CSMD1: variants seen among roughly 807,000 people sequenced by gnomAD.
CSMD1 encodes CUB and Sushi multiple domains 1, also known as CUB and sushi domain-containing protein 1.
CSMD1 carries 213 observed loss-of-function variants against 417.5 expected under a neutral mutation model. The observed-to-expected ratio is 0.51, with a 90% CI of 0.46 to 0.57. The LOEUF (loss-of-function observed/expected upper bound fraction) is 0.57, where lower values mean the gene tolerates loss of function less well. CSMD1 is among the 20% of genes least tolerant of loss of function. The probability of loss-of-function intolerance (pLI) is 0.00; values close to 1 mark genes in which losing one functional copy is unlikely to be tolerated. For synonymous variants in CSMD1, 2,862 were observed against 1,736.8 expected (o/e 1.65, Z -16.11); for missense variants, 6,923 against 4,529.7 (o/e 1.53, Z -15.17).
chr8:3,926,314 T>C (rs1809723204), intron 5 of CSMD1, among the ~76,000 whole-genome samples: 1 of 152,216 alleles, frequency 6.6e-6, no homozygotes, highest in African/African-American at 2.4e-5. Context: ...CCTTATAACT[T>C]TTCAATCTAT....
At chr8:4,691,351 G>C (rs1260346811) in intron 1 of CSMD1, among the ~76,000 whole-genome samples, 1 of 152,100 alleles carries the variant, frequency 6.6e-6, no homozygotes, top group South Asian at 2.1e-4. Context: ...TTATTTCAAA[G>C]TCACTGGGCC....
intron 3 of CSMD1, among the ~76,000 whole-genome samples, chr8:4,094,865 G>C (rs1202511541): frequency 6.6e-6 from 1 of 152,154 alleles, no homozygotes; most frequent in African/African-American, 2.4e-5. Flanking sequence ...ATGTGTTTGG[G>C]GCATATTGTG....
chr8:4,153,915 C>A (rs563505613), intron 3 of CSMD1, among the ~76,000 whole-genome samples: 1 of 152,224 alleles, frequency 6.6e-6, no homozygotes, highest in Non-Finnish European at 1.5e-5. Flanking sequence ...TCTAACCCAG[C>A]CAACGAGGCA....
chr8:3,360,470 A>G (rs142196761), intron 20 of CSMD1, among the ~76,000 whole-genome samples: 25 of 152,242 alleles, frequency 1.6e-4, no homozygotes, highest in Admixed American at 3.9e-4. Flanking sequence ...GTAAGTGCCT[A>G]TTTGTTTGGT....
chr8:4,531,212 T>A lies in CSMD1; in HGVS notation c.302+106130A>T, dbSNP rs543748646. ...ATGTAATCAGTGACGTACAGTTGTT[T>A]TGCCATTTTTAGCCACACTGATAGA... On this transcript the variant is annotated intron_variant, in intron 2 of 69. Transcript: ENST00000635120. Among the ~76,000 whole-genome samples, 238 of 152,322 alleles carry A rather than the reference T, an allele frequency of 1.6e-3. 2 individuals are homozygous for A. Among genetic ancestry groups the A allele is most frequent in the African/African-American group, 5.5e-3 (228 of 41,570 alleles).
At chr8:3,443,456 C>G (rs1348184455) in intron 12 of CSMD1, among the ~76,000 whole-genome samples, 1 of 152,148 alleles carries the variant, frequency 6.6e-6, no homozygotes, top group Non-Finnish European at 1.5e-5. Flanking sequence ...CGGGTTGACA[C>G]AAACATCTAA....
chr8:3,270,648 A>C (rs1401025869), intron 26 of CSMD1, among the ~76,000 whole-genome samples: 1 of 152,184 alleles, frequency 6.6e-6, no homozygotes, highest in African/African-American at 2.4e-5. Context: ...TCATCAAAGC[A>C]AGTCTACAGT....
At chr8:3,566,955 A>G (rs1490402108) in intron 10 of CSMD1, among the ~76,000 whole-genome samples, 5 of 152,240 alleles carry the variant, frequency 3.3e-5, no homozygotes, top group East Asian at 3.8e-4. Flanking sequence ...AAATTGTTCT[A>G]TCATAAAGAC....
intron 33 of CSMD1, among the ~76,000 whole-genome samples, chr8:3,190,359 A>G (rs1174403036): frequency 6.6e-6 from 1 of 151,994 alleles, no homozygotes; most frequent in Non-Finnish European, 1.5e-5. Context: ...CACGTTCCCA[A>G]CTGTACTTCG....
intron 1 of CSMD1, among the ~76,000 whole-genome samples, chr8:4,938,560 C>T (rs573839516): frequency 1.3e-5 from 2 of 152,262 alleles, no homozygotes; most frequent in East Asian, 3.9e-4. Context: ...TATTCCCTGC[C>T]CTCACACAGT....
chr8:3,303,258 T>A (rs1242986391), intron 25 of CSMD1, among the ~76,000 whole-genome samples: 5 of 152,030 alleles, frequency 3.3e-5, no homozygotes, highest in Non-Finnish European at 7.4e-5. Flanking sequence ...AATGTATAGT[T>A]TTCTCTTAAG....
chr8:3,702,611 G>A (rs577413956), intron 7 of CSMD1, among the ~76,000 whole-genome samples: 9 of 152,292 alleles, frequency 5.9e-5, no homozygotes, highest in East Asian at 1.9e-4. Context: ...CAGGCAGATC[G>A]CCTGAGGTCA....
chr8:3,915,545 T>G (rs958520022), intron 5 of CSMD1, among the ~76,000 whole-genome samples: 4 of 151,796 alleles, frequency 2.6e-5, no homozygotes, highest in Non-Finnish European at 5.9e-5. Flanking sequence ...AATTCTAGCT[T>G]TAAACACAAG....
intron 3 of CSMD1, among the ~76,000 whole-genome samples, chr8:4,032,883 T>C (rs913618468): frequency 1.3e-5 from 2 of 151,926 alleles, no homozygotes; most frequent in African/African-American, 4.8e-5. Context: ...GGTCAGGCCG[T>C]GGTGGGATGG....
chr8:3,060,090 C>T (rs1812491634), intron 49 of CSMD1, among the ~76,000 whole-genome samples: 1 of 151,574 alleles, frequency 6.6e-6, no homozygotes, highest in Non-Finnish European at 1.5e-5. Context: ...ATGCCTTATT[C>T]AAATTGTGAG....
At chr8:3,646,056 A>C (rs1471089178) in intron 7 of CSMD1, among the ~76,000 whole-genome samples, 4 of 152,130 alleles carry the variant, frequency 2.6e-5, no homozygotes, top group African/African-American at 9.7e-5. Flanking sequence ...CAACCAAAAA[A>C]AAAAAGATTA....
chr8:3,661,385 C>CT (rs146782296), intron 7 of CSMD1, among the ~76,000 whole-genome samples: 4,550 of 152,226 alleles, frequency 0.03, 234 homozygotes, highest in African/African-American at 0.1. Flanking sequence ...TGTTACTTCC[C>CT]TTTTTTTGTG....
At chr8:4,521,182 C>T (rs536245279) in intron 2 of CSMD1, among the ~76,000 whole-genome samples, 7 of 152,116 alleles carry the variant, frequency 4.6e-5, no homozygotes, top group South Asian at 4.1e-4. Context: ...TAAATATATA[C>T]ATTAAAAATT....
At chr8:3,639,723 A>G (rs372914313) in intron 7 of CSMD1, among the ~76,000 whole-genome samples, 1 of 152,192 alleles carries the variant, frequency 6.6e-6, no homozygotes. Context: ...TGATTTCTCA[A>G]TGATTTTTCT....
Sources: gnomAD v4.1 joint callset for allele counts (sites outside exome capture counted in the v4.1 genomes callset) on GRCh38, gnomAD v4.1.1 for gene constraint, MANE v1.5 for transcripts, NCBI Gene and HGNC (gene_info 2026-07-23, HGNC 2026-07-21) for gene names.